Variants in HLCS observed in about 807,000 individuals in gnomAD.
The protein encoded by HLCS is holocarboxylase synthetase.
In HLCS, 53 loss-of-function variants were observed where a neutral mutation model predicts 75.0. That is an observed-to-expected ratio of 0.71 (90% confidence interval 0.57 to 0.89). HLCS has a LOEUF of 0.89. Ranked by LOEUF, HLCS falls within the 40% of genes least tolerant of loss-of-function variation. The probability of loss-of-function intolerance (pLI) is 0.00; values close to 1 mark genes in which losing one functional copy is unlikely to be tolerated. For missense variants in HLCS, 966 were observed against 1,074.0 expected (o/e 0.90, Z 1.41); for synonymous variants, 431 against 428.6 (o/e 1.01, Z -0.07).
chr21:36,819,037 C>T (rs1048711612), intron 6 of HLCS, among the ~76,000 whole-genome samples: 2 of 152,070 alleles, frequency 1.3e-5, no homozygotes, highest in Admixed American at 1.3e-4. Context: ...ACACCAAGGA[C>T]GAAATGCTTG....
At chr21:36,854,441 A>C (rs1278137908) in intron 6 of HLCS, among the ~76,000 whole-genome samples, 2 of 152,188 alleles carry the variant, frequency 1.3e-5, no homozygotes, top group African/African-American at 4.8e-5. Context: ...GGGAACAGTA[A>C]GACAAGCATC....
chr21:36,812,558 T>C (rs2061543617), intron 6 of HLCS, among the ~76,000 whole-genome samples: 1 of 152,318 alleles, frequency 6.6e-6, no homozygotes, highest in South Asian at 2.1e-4. Context: ...ATAGCTCTCA[T>C]TATTTTGACT....
At chr21:36,830,182 AGCC>A (rs2062153086) in intron 6 of HLCS, among the ~76,000 whole-genome samples, 1 of 152,156 alleles carries the variant, frequency 6.6e-6, no homozygotes, top group African/African-American at 2.4e-5. Flanking sequence ...CCCGGAACAG[AGCC>A]TCTCTCACGG....
intron 2 of HLCS, chr21:36,947,264 G>A (rs2067448322): frequency 2.7e-6 from 2 of 750,456 alleles, no homozygotes; most frequent in African/African-American, 1.9e-5. Context: ...AGGAAGGACC[G>A]GAAGAGCCCA....
intron 6 of HLCS, among the ~76,000 whole-genome samples, chr21:36,787,047 T>C (rs1028648296): frequency 6.6e-6 from 1 of 152,168 alleles, no homozygotes; most frequent in Admixed American, 6.5e-5. Flanking sequence ...CATAATTCCA[T>C]CCACAGGCAG....
chr21:36,857,577 A>G (rs572172444), intron 6 of HLCS, among the ~76,000 whole-genome samples: 38 of 152,154 alleles, frequency 2.5e-4, no homozygotes, highest in Non-Finnish European at 5.3e-4. Flanking sequence ...ATGTCCTCAC[A>G]TCGATCCTCC....
chr21:36,847,332 T>C (rs1428121827), intron 6 of HLCS, among the ~76,000 whole-genome samples: 1 of 152,204 alleles, frequency 6.6e-6, no homozygotes, highest in African/African-American at 2.4e-5. Context: ...CCAGCAGTCA[T>C]AGCAGCACGC....
chr21:36,848,394 G>C (rs1968034), intron 6 of HLCS, among the ~76,000 whole-genome samples: 139,524 of 151,768 alleles, frequency 0.92, 64,311 homozygotes, highest in African/African-American at 0.98. Context: ...CTCAGCCTCC[G>C]GAGTAGCTGG....
chr21:36,936,544 C>A lies in HLCS; in HGVS notation c.1342G>T (p.Gly448Cys). 2 of 1,614,154 alleles carry A rather than the reference C, an allele frequency of 1.2e-6. No homozygotes were observed. Among genetic ancestry groups the A allele is most frequent in the Non-Finnish European group, 1.7e-6 (2 of 1,180,014 alleles). ...YQEGPVRLSPGRLQGHLENED... is the reference protein window; with the variant it reads ...YQEGPVRLSPCRLQGHLENED... Reference sequence around the variant, plus strand: ...TTCTCCAGGTGGCCCTGGAGCCTGCCGGGGCTGAGCCGGACGGGGCCTTCC... The same window carrying A: ...TTCTCCAGGTGGCCCTGGAGCCTGCAGGGGCTGAGCCGGACGGGGCCTTCC... The change falls in exon 4 of 11, where the codon GGC (glycine) becomes TGC (cysteine). Residue 448 changes from glycine to cysteine, a missense_variant. By Grantham distance (159) the Gly-to-Cys change is radical. Transcript: ENST00000674895.
chr21:36,935,514 T>C lies in HLCS; in HGVS notation c.1437+935A>G, dbSNP rs553341987. ...AAAACAAAACAAAAAAGGAAACAAT[T>C]CTCTATCTCAATAAAAAGATCCCTA... On this transcript the variant is annotated intron_variant, in intron 4 of 10. Coordinates refer to ENST00000674895, the MANE Select transcript of HLCS (RefSeq NM_001352514.2). Among the ~76,000 whole-genome samples, 5 of 152,158 alleles carry C rather than the reference T, an allele frequency of 3.3e-5. No homozygotes were observed. In the East Asian group the frequency reaches 9.6e-4, roughly 29 times the overall value.
intron 5 of HLCS, among the ~76,000 whole-genome samples, chr21:36,925,339 A>G (rs1601761715): frequency 6.6e-6 from 1 of 152,122 alleles, no homozygotes; most frequent in Non-Finnish European, 1.5e-5. Flanking sequence ...TTCTCAGGTC[A>G]CCTACACACT....
At chr21:36,846,893 A>G (rs916278914) in intron 6 of HLCS, among the ~76,000 whole-genome samples, 2 of 152,172 alleles carry the variant, frequency 1.3e-5, no homozygotes, top group African/African-American at 4.8e-5. Flanking sequence ...CAACAATACC[A>G]GATTTAGAGC....
At chr21:36,771,128 G>A (rs1238381070) in intron 6 of HLCS, among the ~76,000 whole-genome samples, 1 of 152,070 alleles carries the variant, frequency 6.6e-6, no homozygotes, top group Non-Finnish European at 1.5e-5. Flanking sequence ...GCTGAGGCAG[G>A]AGAATGGCGT....
At chr21:36,894,216 G>A (rs895397310) in intron 6 of HLCS, among the ~76,000 whole-genome samples, 20 of 152,064 alleles carry the variant, frequency 1.3e-4, no homozygotes, top group Non-Finnish European at 7.4e-5. Context: ...AGTTTCCTGC[G>A]GCCTCCCCAG....
chr21:36,901,332 C>T (rs1310657698), intron 5 of HLCS, among the ~76,000 whole-genome samples: 1 of 152,068 alleles, frequency 6.6e-6, no homozygotes, highest in African/African-American at 2.4e-5. Flanking sequence ...GGGGAGAGGT[C>T]TGCACCATGG....
chr21:36,989,021 T>C (rs1385665397), intron 1 of HLCS, among the ~76,000 whole-genome samples: 1 of 148,718 alleles, frequency 6.7e-6, no homozygotes, highest in Non-Finnish European at 1.5e-5. Context: ...TTTAATTTTA[T>C]TTTATTTTAT....
At chr21:36,910,711 G>A (rs911914392) in intron 5 of HLCS, among the ~76,000 whole-genome samples, 4 of 152,268 alleles carry the variant, frequency 2.6e-5, no homozygotes, top group South Asian at 4.1e-4. Context: ...CTGTCTGGGT[G>A]TCTGCGTGTG....
At chr21:36,979,782 TG>T (rs2069057148) in intron 1 of HLCS, among the ~76,000 whole-genome samples, 1 of 151,652 alleles carries the variant, frequency 6.6e-6, no homozygotes. Context: ...GGCGGCCAGG[TG>T]TGGTGGCTCA....
At chr21:36,800,546 CGTTGTACCA>C (rs1244719835) in intron 6 of HLCS, among the ~76,000 whole-genome samples, 6 of 152,112 alleles carry the variant, frequency 3.9e-5, no homozygotes, top group Admixed American at 3.9e-4. Context: ...TTATTAACCC[CGTTGTACCA>C]GTGAGGAAAC....
Sources: gnomAD v4.1 joint callset for allele counts (sites outside exome capture counted in the v4.1 genomes callset) on GRCh38, gnomAD v4.1.1 for gene constraint, MANE v1.5 for transcripts, NCBI Gene and HGNC (gene_info 2026-07-23, HGNC 2026-07-21) for gene names.